Variants in TEAD3 observed in about 807,000 individuals in gnomAD.
The protein encoded by TEAD3 is transcriptional enhancer factor TEF-5.
A neutral mutation model predicts 55.6 loss-of-function variants in TEAD3; 15 were observed. The observed-to-expected ratio is 0.27, with a 90% CI of 0.18 to 0.42. The LOEUF is 0.42. TEAD3 is among the 10% of genes least tolerant of loss of function. The pLI, the probability that TEAD3 is intolerant of heterozygous loss-of-function variation, is 1.00. For synonymous variants in TEAD3, 210 were observed against 232.2 expected (o/e 0.90, Z 0.87); for missense variants, 407 against 576.8 (o/e 0.71, Z 3.01).
At chr6:35,495,830 C>T (rs1355082676) in intron 1 of TEAD3, among the ~76,000 whole-genome samples, 4 of 152,230 alleles carry the variant, frequency 2.6e-5, no homozygotes, top group African/African-American at 4.8e-5. Flanking sequence ...CAGCCCCTAC[C>T]CCTATGCCCT....
At chr6:35,493,915 T>C (rs1768587373) in intron 1 of TEAD3, among the ~76,000 whole-genome samples, 1 of 152,238 alleles carries the variant, frequency 6.6e-6, no homozygotes, top group African/African-American at 2.4e-5. Context: ...CGGCACATCC[T>C]GGGTGATGCC....
Position 35,488,095 on chromosome 6 carries a change from G to A in TEAD3, c.-49-1384C>T, listed in dbSNP as rs1374391965. On this transcript the variant is annotated intron_variant, in intron 1 of 12. Transcript: ENST00000639578. The surrounding 1 kb of genome is among the most constrained non-coding windows in gnomAD (Gnocchi z 4.2). Reference sequence around the variant, plus strand: ...CGATAACTAACCAGAACTCTGCCAAGGGGCCTAATGTAGGGCAGGAACTGC... The same window carrying A: ...CGATAACTAACCAGAACTCTGCCAAAGGGCCTAATGTAGGGCAGGAACTGC... Among the ~76,000 whole-genome samples the A allele has an allele frequency of 1.3e-5, 2 of 152,232 alleles. No homozygotes were observed. The highest frequency in any genetic ancestry group is 2.4e-5 in the African/African-American group (1 of 41,460).
chr6:35,474,982 T>G, exon 13 of TEAD3: 1 of 1,370,658 alleles, frequency 7.3e-7, no homozygotes, highest in Admixed American at 2.5e-5. Context: ...CCCCCAGGGG[T>G]GCCAGGCAGG....
chr6:35,476,004 T>C lies in TEAD3; in HGVS notation c.815A>G (p.Tyr272Cys). The change falls in exon 10 of 13, where the codon TAT becomes TGT. Residue 272 changes from tyrosine (Y) to cysteine (C), a missense_variant. By Grantham distance (194) the Tyr-to-Cys change is radical (BLOSUM62 -2). Coordinates refer to ENST00000639578, the Ensembl canonical transcript of TEAD3. ...TCCCTTTTTCTCGGGGAATTTGTCA[T>C]AGATCTGGCGCACATCTACTGCCTC... 3.8e-6 allele frequency: 6 copies of C among 1,566,392 alleles called. No homozygotes were observed. The highest frequency in any genetic ancestry group is 5.2e-6 in the Non-Finnish European group (6 of 1,158,012).
At position 35,496,979 on chromosome 6, in the gene TEAD3, G is replaced by A. The variant is rs1768685945; in HGVS notation, c.-131C>T. 4 of 151,926 alleles carry A rather than the reference G, an allele frequency of 2.6e-5. No individual in the cohort carries two copies. Among genetic ancestry groups the A allele is most frequent in the Admixed American group, 2.6e-4 (4 of 15,282 alleles). The allele number at this position is 151,926 out of a possible 1,614,324, so 9.4% of individuals were successfully genotyped here. On this transcript the variant is annotated 5_prime_UTR_variant, in exon 1 of 13. Coordinates refer to ENST00000639578, the Ensembl canonical transcript of TEAD3. This position sits in a 1 kb window ranked among gnomAD's most constrained non-coding sequence, Gnocchi z 4.8. ...CCGCAAGGGGGGCCGGGGAAGGGGG[G>A]TCGTGGGGAGGGGGCTGGCCGGAAT...
At chr6:35,479,438 A>C in intron 4 of TEAD3, 122 bp from the exon 5 acceptor site, 1 of 1,269,972 alleles carries the variant, frequency 7.9e-7, no homozygotes, top group Non-Finnish European at 1.1e-6. Context: ...GAGGAGCCCA[A>C]GGAAGCTCAG....
chr6:35,474,352 C>T (rs114718185), downstream of TEAD3: 1,892 of 153,168 alleles, frequency 0.012, 52 homozygotes, highest in African/African-American at 0.042. Flanking sequence ...GAGCCTCTCC[C>T]CTACCCTGCG....
chr6:35,479,162 G>A, intron 5 of TEAD3, 143 bp downstream of exon 5: 5 of 1,061,584 alleles, frequency 4.7e-6, no homozygotes, highest in Non-Finnish European at 6.9e-6. Context: ...ACAGGCGTGA[G>A]CCACCACGCC....
rs532660526 is a variant in TEAD3 at position 35,490,628 on chromosome 6, G to T, written c.-49-3917C>A. Among the ~76,000 whole-genome samples, 23 of 152,314 alleles carry T rather than the reference G, an allele frequency of 1.5e-4. No individual in the cohort carries two copies. The East Asian group carries it at 4.4e-3, about 29-fold the overall frequency. On this transcript the variant is annotated intron_variant, in intron 1 of 12. Coordinates refer to ENST00000639578, the Ensembl canonical transcript of TEAD3. ...CGTGGGCAGGCAGCTGCCCCCGTCT[G>T]GGGGCTGGACCGGGGTCTCAGTGGA...
At position 35,486,186 on chromosome 6, in the gene TEAD3, T is replaced by C. The variant is rs1330848153; in HGVS notation, c.202+275A>G. Among the ~76,000 whole-genome samples the C allele has an allele frequency of 6.6e-6, 1 of 152,180 alleles. No homozygotes were observed. The highest frequency in any genetic ancestry group is 1.5e-5 in the Non-Finnish European group (1 of 68,014). ...CGCAGACTGGGCTGACCCACTTTCT[T>C]GGGCCCACTGAGTCACCTCGAAACC... On this transcript the variant is annotated intron_variant, in intron 2 of 12. Transcript: ENST00000639578. This position sits in a 1 kb window ranked among gnomAD's most constrained non-coding sequence, Gnocchi z 7.3.
At position 35,486,643 on chromosome 6, in the gene TEAD3, T is replaced by C; in HGVS notation, c.20A>G (p.Asn7Ser). ...GGCCTCCCCGGGGCTGCTGCTGGCG[T>C]TCCAGCTGTTGGACGCTATTGTGCT... The change falls in exon 2 of 13, where the codon AAC (asparagine) becomes AGC (serine). Residue 7 changes from asparagine (N) to serine (S), a missense_variant. Physicochemically the swap from Asn to Ser is conservative, Grantham distance 46 (BLOSUM62 1). Transcript: ENST00000639578. The surrounding 1 kb of genome is among the most constrained non-coding windows in gnomAD (Gnocchi z 7.3). 1 of 1,612,820 alleles carries C rather than the reference T, an allele frequency of 6.2e-7. No individual in the cohort carries two copies. Among genetic ancestry groups the C allele is most frequent in the South Asian group, 1.1e-5 (1 of 91,070 alleles).
downstream of TEAD3, chr6:35,474,882 G>T: frequency 1.6e-6 from 1 of 612,954 alleles, no homozygotes; most frequent in Non-Finnish European, 2.9e-6. Context: ...CAGAACAGTG[G>T]CAGGGAGTGT....
chr6:35,477,457 G>A, intron 7 of TEAD3, 85 bp from the exon 8 acceptor site: 1 of 1,338,426 alleles, frequency 7.5e-7, no homozygotes, highest in Non-Finnish European at 1.0e-6. Context: ...GACCCCAGGA[G>A]CAAGCCACCC....
chr6:35,480,068 T>C (rs553672504), exon 4 of TEAD3: 1 of 1,524,606 alleles, frequency 6.6e-7, no homozygotes, highest in South Asian at 1.2e-5. Context: ...ACCTTCAGCT[T>C]AGACTGAATC....
chr6:35,488,017 G>A lies in TEAD3; in HGVS notation c.-49-1306C>T, dbSNP rs562154946. On this transcript the variant is annotated intron_variant, in intron 1 of 12. Transcript: ENST00000639578. The surrounding 1 kb of genome is among the most constrained non-coding windows in gnomAD (Gnocchi z 4.2). The stretch of plus-strand genomic sequence containing the variant: ...TGCAACCCTGCTAAGGACCCCTCAG[G>A]GGACAAGGAGAGTCCCTGACCCAGA... 5.9e-5 allele frequency among the ~76,000 whole-genome samples: 9 copies of A among 152,204 alleles called. No individual in the cohort carries two copies. The East Asian group carries it at 1.7e-3, about 29-fold the overall frequency.
At chr6:35,476,827 TTTTTG>T (rs1341525345) in intron 8 of TEAD3, among the ~76,000 whole-genome samples, 2 of 152,192 alleles carry the variant, frequency 1.3e-5, no homozygotes, top group African/African-American at 4.8e-5. Flanking sequence ...GGCTATGGTT[TTTTTG>T]TTTTTCTGAG....
Position 35,486,641 on chromosome 6 carries a change from C to A in TEAD3, c.22G>T (p.Ala8Ser), listed in dbSNP as rs972408909. 5 of 1,612,756 alleles carry A rather than the reference C, an allele frequency of 3.1e-6. No individual in the cohort carries two copies. Among genetic ancestry groups the A allele is most frequent in the African/African-American group, 1.3e-5 (1 of 74,954 alleles). ...CGGGCCTCCCCGGGGCTGCTGCTGGCGTTCCAGCTGTTGGACGCTATTGTG... is the reference window on the plus strand; with the variant it reads ...CGGGCCTCCCCGGGGCTGCTGCTGGAGTTCCAGCTGTTGGACGCTATTGTG... The change falls in exon 2 of 13, where the codon GCC (alanine) becomes TCC (serine). Residue 8 changes from alanine (A) to serine (S), a missense_variant. Transcript: ENST00000639578. This position sits in a 1 kb window ranked among gnomAD's most constrained non-coding sequence, Gnocchi z 7.3.
At chr6:35,480,410 CAT>C (rs775490961) in intron 3 of TEAD3, 36 bp from the exon 4 acceptor site, 6 of 1,611,402 alleles carry the variant, frequency 3.7e-6, no homozygotes, top group African/African-American at 1.3e-5. Flanking sequence ...GAGAGGAAAA[CAT>C]AGACAGTGAG....
chr6:35,476,599 G>A (rs772720722), intron 8 of TEAD3, among the ~76,000 whole-genome samples, 164 bp from the exon 9 acceptor site: 4 of 152,232 alleles, frequency 2.6e-5, no homozygotes, highest in Non-Finnish European at 5.9e-5. Context: ...ACAACCATAC[G>A]TGGTGGCCCT....
Sources: allele counts gnomAD v4.1 joint callset (sites outside exome capture counted in the v4.1 genomes callset), GRCh38; gene constraint gnomAD v4.1.1; non-coding constraint Gnocchi (gnomAD v3.1); transcripts MANE v1.5; gene names NCBI Gene and HGNC (gene_info 2026-07-23, HGNC 2026-07-21).